Variants in PWWP3A observed in about 807,000 individuals in gnomAD.
The protein encoded by PWWP3A is PWWP domain-containing DNA repair factor 3A.
Under a neutral mutation model 79.0 loss-of-function variants are expected in PWWP3A, and 53 were observed. The observed-to-expected ratio is 0.67, with a 90% confidence interval of 0.54 to 0.84. The LOEUF (loss-of-function observed/expected upper bound fraction) is 0.84, where lower values mean the gene tolerates loss of function less well. Ranked by LOEUF, PWWP3A falls within the 40% of genes least tolerant of loss-of-function variation. PWWP3A has a pLI of 0.00. For missense variants in PWWP3A, 973 were observed against 948.0 expected, an observed-to-expected ratio of 1.03 and a Z score of -0.35; for synonymous variants, 443 against 394.4, an observed-to-expected ratio of 1.12 and a Z score of -1.46.
intron 8 of PWWP3A, among the ~76,000 whole-genome samples, chr19:1,366,731 C>T (rs759581921): frequency 6.6e-6 from 1 of 152,262 alleles, no homozygotes; most frequent in Non-Finnish European, 1.5e-5. Flanking sequence ...ATCCCTGCGT[C>T]CACCTGAGTT....
chr19:1,369,023 C>A lies in PWWP3A; in HGVS notation c.1423-242C>A, dbSNP rs2082192655. 1 of 484,160 alleles carries A rather than the reference C, an allele frequency of 2.1e-6. No individual in the cohort carries two copies. The highest frequency in any genetic ancestry group is 3.3e-5 in the Admixed American group (1 of 29,882). 30.0% of individuals were successfully genotyped at this position (484,160 alleles called of 1,614,324 possible). A position where few individuals can be genotyped will look rare whatever the true frequency, so the allele number is the denominator to read the frequency against. On this transcript the variant is annotated intron_variant, in intron 9 of 13. Coordinates refer to ENST00000591337, the MANE Select transcript of PWWP3A (RefSeq NM_001369789.1). The surrounding 1 kb of genome is among the most constrained non-coding windows in gnomAD (Gnocchi z 4.0). ...TTCAGATCAGCCCAAGCCATCGGGTCCCCGGTGCCCACCATTTGAGCAGCT... is the reference window on the plus strand; with the variant it reads ...TTCAGATCAGCCCAAGCCATCGGGTACCCGGTGCCCACCATTTGAGCAGCT...
In PWWP3A at chr19:1,370,749, A is replaced by AG. The variant is rs1486423286; in HGVS notation, c.1659dup (p.Gln554AlafsTer69). The AG allele has an allele frequency of 6.0e-6, 9 of 1,499,362 alleles. No homozygotes were observed. Among genetic ancestry groups the AG allele is most frequent in the Non-Finnish European group, 6.3e-6 (7 of 1,119,808 alleles). The allele number at this position is 1,499,362 out of a possible 1,614,324, so 92.9% of individuals were successfully genotyped here. ...CGTGGTGGGGTGCCCCCTGGGGCAG[A>AG]GGCAGCCCTGCCGGAAAATGCTCCC... On this transcript the variant is annotated frameshift_variant, in exon 12 of 14. Coordinates refer to ENST00000591337, the MANE Select transcript of PWWP3A (RefSeq NM_001369789.1). LOFTEE classifies it high-confidence loss of function.
At chr19:1,362,482 G>A (rs1600105601) in intron 6 of PWWP3A, 131 bp downstream of exon 6, 5 of 669,496 alleles carry the variant, frequency 7.5e-6, no homozygotes, top group African/African-American at 3.6e-5. Context: ...CCACTGAACC[G>A]AGACCTGGAA....
rs1397345891 is a variant in PWWP3A, at chr19:1,377,901, T to C, written c.*1325T>C. The C allele has an allele frequency of 6.6e-6, 1 of 152,196 alleles. No individual in the cohort carries two copies. The highest frequency in any genetic ancestry group is 2.4e-5 in the African/African-American group (1 of 41,444). The allele number at this position is 152,196 out of a possible 1,614,324, so 9.4% of individuals were successfully genotyped here. On this transcript the variant is annotated 3_prime_UTR_variant, in exon 14 of 14. Transcript: ENST00000591337. Reference sequence around the variant, plus strand: ...CACGATTGTCTCAGATGCAGGGCGCTGTGCGGGACGAAGCCGCAAGGACTC... The same window carrying C: ...CACGATTGTCTCAGATGCAGGGCGCCGTGCGGGACGAAGCCGCAAGGACTC...
At position 1,369,422 on chromosome 19, in the gene PWWP3A, C is replaced by T. The variant is rs1181466537; in HGVS notation, c.1498+82C>T. The stretch of plus-strand genomic sequence containing the variant: ...ACCCCTTGGACGGGCTGGGCCGGAG[C>T]TGCCTGGAGGCGGGGCATATTTCCG... On this transcript the variant is annotated intron_variant, in intron 10 of 13. Transcript: ENST00000591337. This position sits in a 1 kb window ranked among gnomAD's most constrained non-coding sequence, Gnocchi z 4.0. 2.6e-6 allele frequency: 4 copies of T among 1,540,656 alleles called. No individual in the cohort carries two copies. Among genetic ancestry groups the T allele is most frequent in the Non-Finnish European group, 3.6e-6 (4 of 1,116,296 alleles).
At chr19:1,375,814 T>A (rs34956467) in intron 13 of PWWP3A, among the ~76,000 whole-genome samples, 83 of 142,538 alleles carry the variant, frequency 5.8e-4, no homozygotes, top group East Asian at 1.4e-3. Flanking sequence ...TTATTTATTT[T>A]TTTTTTTTTG....
Position 1,369,464 on chromosome 19 carries a change from C to A in PWWP3A, c.1498+124C>A. On this transcript the variant is annotated intron_variant, in intron 10 of 13. Coordinates refer to ENST00000591337, the MANE Select transcript of PWWP3A (RefSeq NM_001369789.1). The surrounding 1 kb of genome is among the most constrained non-coding windows in gnomAD (Gnocchi z 4.0). Reference sequence around the variant, plus strand: ...ATATTTCCGTGGGCCTGGGGCATTCCCTGTGGGTGGGCTGGGGTTCTGGCC... The same window carrying A: ...ATATTTCCGTGGGCCTGGGGCATTCACTGTGGGTGGGCTGGGGTTCTGGCC... 1 of 1,483,386 alleles carries A rather than the reference C, an allele frequency of 6.7e-7. No homozygotes were observed. Among genetic ancestry groups the A allele is most frequent in the Non-Finnish European group, 9.4e-7 (1 of 1,064,424 alleles). 91.9% of individuals were successfully genotyped at this position (1,483,386 alleles called of 1,614,324 possible).
chr19:1,360,902 C>G lies in PWWP3A; in HGVS notation c.981C>G (p.Pro327=), dbSNP rs1179659421. Residue 327 remains proline (P), a synonymous_variant, in exon 5 of 14, where the codon CCC becomes CCG. Coordinates refer to ENST00000591337, the MANE Select transcript of PWWP3A (RefSeq NM_001369789.1). The surrounding 1 kb of genome is among the most constrained non-coding windows in gnomAD (Gnocchi z 4.4). ...TGGCAGCAGGGGCCGCACCATCCCC[C>G]GGGCCGGGGCCAGGGCCCAGAGAGT... ...EPMAAGAAPS[P]GPGPGPRESV... The G allele has an allele frequency of 9.7e-6, 15 of 1,540,510 alleles. No individual in the cohort carries two copies. Among genetic ancestry groups the G allele is most frequent in the Non-Finnish European group, 1.2e-5 (14 of 1,142,642 alleles).
At position 1,356,026 on chromosome 19, in the gene PWWP3A, G is replaced by A. The variant is rs551216998; in HGVS notation, c.-69-298G>A. ...GCCTCTCCTGCCGAGGTCGGAGGCA[G>A]GTCTTCCGCACGGAGATGATTTATT... On this transcript the variant is annotated intron_variant, in intron 1 of 13. Coordinates refer to ENST00000591337, the MANE Select transcript of PWWP3A (RefSeq NM_001369789.1). Among the ~76,000 whole-genome samples, 39 of 152,262 alleles carry A rather than the reference G, an allele frequency of 2.6e-4. 1 individual carries two copies. The highest frequency in any genetic ancestry group is 1.7e-3 in the East Asian group (9 of 5,182).
chr19:1,373,392 G>T, intron 13 of PWWP3A: 1 of 572,914 alleles, frequency 1.7e-6, no homozygotes, highest in South Asian at 2.1e-5. Context: ...GGCAGCACGG[G>T]GCCACGGGCA....
chr19:1,356,322 A>T lies in PWWP3A; in HGVS notation c.-69-2A>T. 1 of 1,511,824 alleles carries T rather than the reference A, an allele frequency of 6.6e-7. No homozygotes were observed. The highest frequency in any genetic ancestry group is 9.2e-7 in the Non-Finnish European group (1 of 1,087,392). The allele number at this position is 1,511,824 out of a possible 1,614,324, so 93.7% of individuals were successfully genotyped here. Reference sequence around the variant, plus strand: ...TAAACCACCGTGCAAATTTCGTTCCAGGACACATTGGCGTGAGACCTGGGA... The same window carrying T: ...TAAACCACCGTGCAAATTTCGTTCCTGGACACATTGGCGTGAGACCTGGGA... On this transcript the variant is annotated splice_acceptor_variant, in intron 1 of 13. Transcript: ENST00000591337. LOFTEE classifies it low-confidence loss of function (5UTR_SPLICE).
intron 2 of PWWP3A, among the ~76,000 whole-genome samples, chr19:1,356,713 G>A (rs2081879503): frequency 6.7e-6 from 1 of 150,018 alleles, no homozygotes. Flanking sequence ...CTCAAGGAAA[G>A]ATCTGGCAAG....
At position 1,370,960 on chromosome 19, in the gene PWWP3A, G is replaced by T; in HGVS notation, c.1868G>T (p.Gly623Val). ...TCVETYLEDEGQLDLVVKYLQ... is the reference protein window; with the variant it reads ...TCVETYLEDEVQLDLVVKYLQ... Reference sequence around the variant, plus strand: ...GTGGAGACCTACCTGGAGGATGAGGGGCAGCTGGACCTGGTGGTGAAGTAC... The same window carrying T: ...GTGGAGACCTACCTGGAGGATGAGGTGCAGCTGGACCTGGTGGTGAAGTAC... The change falls in exon 12 of 14, where the codon GGG becomes GTG. Residue 623 changes from glycine (G) to valine (V), a missense_variant. Transcript: ENST00000591337. The T allele has an allele frequency of 6.4e-7, 1 of 1,559,176 alleles. No individual in the cohort carries two copies. Among genetic ancestry groups the T allele is most frequent in the Non-Finnish European group, 8.7e-7 (1 of 1,151,062 alleles).
rs777201714 is a variant in PWWP3A, at chr19:1,360,562, C to G, written c.641C>G (p.Ala214Gly). The G allele has an allele frequency of 3.3e-5, 54 of 1,614,090 alleles. No homozygotes were observed. Among genetic ancestry groups the G allele is most frequent in the Admixed American group, 5.0e-5 (3 of 60,006 alleles). The change falls in exon 5 of 14, where the codon GCA becomes GGA. Residue 214 changes from alanine (A) to glycine (G), a missense_variant. Transcript: ENST00000591337. The surrounding 1 kb of genome is among the most constrained non-coding windows in gnomAD (Gnocchi z 4.4). ...ATCCACCACAAAAATTGGACTCTTGCAAGTAAGAGGGGAGGAAACTCAGCG... is the reference window on the plus strand; with the variant it reads ...ATCCACCACAAAAATTGGACTCTTGGAAGTAAGAGGGGAGGAAACTCAGCG... ...SRIHHKNWTL[A>G]SKRGGNSAQK...
At chr19:1,356,204 T>C (rs917612484) in intron 1 of PWWP3A, 120 bp from the exon 2 acceptor site, 3 of 623,386 alleles carry the variant, frequency 4.8e-6, no homozygotes, top group Non-Finnish European at 8.8e-6. Flanking sequence ...CAATGCAAGA[T>C]TGTGGAATTA....
intron 5 of PWWP3A, chr19:1,361,968 C>T: frequency 6.3e-6 from 2 of 316,968 alleles, no homozygotes; most frequent in African/African-American, 2.1e-5. Context: ...AGGGTGCGCG[C>T]AGCTTCTGTG....
intron 12 of PWWP3A, chr19:1,371,427 C>T: frequency 1.4e-6 from 1 of 701,956 alleles, no homozygotes; most frequent in Non-Finnish European, 2.6e-6. Context: ...TTGGAAATTC[C>T]CAAGTCAGAA....
chr19:1,357,160 CT>C, intron 3 of PWWP3A, 66 bp downstream of exon 3: 1 of 1,262,146 alleles, frequency 7.9e-7, no homozygotes, highest in Non-Finnish European at 1.1e-6. Flanking sequence ...CAATCCCCTA[CT>C]CCCCCAAAAC....
chr19:1,358,409 C>T lies in PWWP3A; in HGVS notation c.159C>T (p.Ser53=), dbSNP rs1455499303. The T allele has an allele frequency of 1.2e-6, 2 of 1,614,064 alleles. No individual in the cohort carries two copies. Among genetic ancestry groups the T allele is most frequent in the East Asian group, 2.2e-5 (1 of 44,892 alleles). The stretch of plus-strand genomic sequence containing the variant: ...GTCTCTGCAGAATTAAGGTGAAAAG[C>T]ACTGAAGTTGAGATCCTAGAGAAGT... ...LSLEEKIKVK[S]TEVEILEKSQ... Residue 53 remains serine (S), a synonymous_variant, in exon 4 of 14, where the codon AGC becomes AGT. Transcript: ENST00000591337.
Sources: allele counts gnomAD v4.1 joint callset (sites outside exome capture counted in the v4.1 genomes callset), GRCh38; gene constraint gnomAD v4.1.1; non-coding constraint Gnocchi (gnomAD v3.1); transcripts MANE v1.5; gene names NCBI Gene and HGNC (gene_info 2026-07-23, HGNC 2026-07-21).